The following CEP192 variants were observed in gnomAD, a reference collection of about 807,000 sequenced individuals.
CEP192 encodes the protein centrosomal protein 192.
In CEP192, 151 loss-of-function variants were observed where a neutral mutation model predicts 271.8. The observed-to-expected ratio is 0.56, with a 90% CI of 0.49 to 0.64. CEP192 has a LOEUF of 0.64. CEP192 is among the 30% of genes least tolerant of loss of function. The probability of loss-of-function intolerance (pLI) is 0.00; values close to 1 mark genes in which losing one functional copy is unlikely to be tolerated. For synonymous variants in CEP192, 995 were observed against 1,076.5 expected (o/e 0.92, Z 1.48); for missense variants, 2,910 against 3,020.5 (o/e 0.96, Z 0.86).
chr18:13,068,171 T>G lies in CEP192; in HGVS notation c.4692T>G (p.Asp1564Glu). The G allele has an allele frequency of 6.2e-7, 1 of 1,614,276 alleles. No individual in the cohort carries two copies. Among genetic ancestry groups the G allele is most frequent in the Non-Finnish European group, 8.5e-7 (1 of 1,180,044 alleles). ...RAPVEVAPCA[D>E]VVTRLAGPSV... ...CTGTGGAAGTTGCTCCTTGCGCTGA[T>G]GTGGTCACTCGGCTAGCAGGCCCTT... Residue 1564 changes from aspartate to glutamate, a missense_variant, in exon 23 of 45, where the codon GAT becomes GAG. Physicochemically the swap from Asp to Glu is conservative, Grantham distance 45. Transcript: ENST00000506447.
intron 30 of CEP192, among the ~76,000 whole-genome samples, chr18:13,085,257 AT>A (rs2038843658): frequency 2.0e-5 from 3 of 151,502 alleles, no homozygotes; most frequent in East Asian, 3.9e-4. Flanking sequence ...TTTCTTGTAA[AT>A]TTGTTCAAGT....
intron 11 of CEP192, among the ~76,000 whole-genome samples, chr18:13,032,338 G>A (rs1313368875): frequency 2.0e-5 from 3 of 152,162 alleles, no homozygotes; most frequent in African/African-American, 4.8e-5. Context: ...TACCTGAGGC[G>A]GGGAGTCAGA....
Position 13,037,117 on chromosome 18 carries a change from G to A in CEP192, c.1535-120G>A, listed in dbSNP as rs117747593. 5.6e-3 allele frequency: 3,418 copies of A among 605,688 alleles called. 32 individuals carry two copies. Among genetic ancestry groups the A allele is most frequent in the Admixed American group, 0.035 (1,096 of 31,308 alleles). 37.5% of individuals were successfully genotyped at this position (605,688 alleles called of 1,614,324 possible). A position where few individuals can be genotyped will look rare whatever the true frequency, so the allele number is the denominator to read the frequency against. On this transcript the variant is annotated intron_variant, in intron 11 of 44. Transcript: ENST00000506447. The stretch of plus-strand genomic sequence containing the variant: ...ACAGATGCATGAGTCATGAGTGCAA[G>A]CTTTTACATACTTGTTACAACTTTA...
chr18:13,097,654 T>A (rs1184406349), intron 36 of CEP192, among the ~76,000 whole-genome samples: 59 of 150,682 alleles, frequency 3.9e-4, no homozygotes, highest in Middle Eastern at 3.4e-3. Context: ...CTATTATTTT[T>A]TTTTTTTTTA....
intron 15 of CEP192, 106 bp from the exon 16 acceptor site, chr18:13,048,753 A>G (rs2036612467): frequency 4.2e-6 from 3 of 708,796 alleles, no homozygotes; most frequent in South Asian, 3.9e-5. Context: ...GGTTTCAGGT[A>G]TCCACTTGGA....
At chr18:13,117,172 C>T (rs2040472443) in intron 43 of CEP192, among the ~76,000 whole-genome samples, 1 of 152,142 alleles carries the variant, frequency 6.6e-6, no homozygotes, top group African/African-American at 2.4e-5. Context: ...CTGCAGTGAG[C>T]CATGATTGTG....
At chr18:13,065,729 C>A (rs533010) in intron 21 of CEP192, among the ~76,000 whole-genome samples, 1 of 152,128 alleles carries the variant, frequency 6.6e-6, no homozygotes, top group African/African-American at 2.4e-5. Context: ...CCAGCCAGTC[C>A]ACAAGACAGG....
At position 13,073,548 on chromosome 18, in the gene CEP192, CTCTG is replaced by C. The variant is rs904920301; in HGVS notation, c.5616+369_5616+372del. ...TCTCAATTATCAGCAAAAATACTGTCTCTGTCTGTTCAGTCGGCTATAACTAAAT... is the reference window on the plus strand; with the variant it reads ...TCTCAATTATCAGCAAAAATACTGTCTCTGTTCAGTCGGCTATAACTAAAT... On this transcript the variant is annotated intron_variant, in intron 30 of 44. Transcript: ENST00000506447. Among the ~76,000 whole-genome samples, 80 of 152,206 alleles carry C rather than the reference CTCTG, an allele frequency of 5.3e-4. 1 individual carries two copies. Among genetic ancestry groups the C allele is most frequent in the African/African-American group, 1.9e-3 (79 of 41,576 alleles).
chr18:13,048,875 G>A lies in CEP192; in HGVS notation c.2084G>A (p.Ser695Asn), dbSNP rs753521970. The A allele has an allele frequency of 6.9e-6, 11 of 1,596,738 alleles. No homozygotes were observed. In the Admixed American group the frequency reaches 1.6e-4, roughly 23 times the overall value. Reference sequence around the variant, plus strand: ...CACTTCTAGGACACTTTCTTCATGAGCAACAAACCCCAAAGATACAAAGAC... The same window carrying A: ...CACTTCTAGGACACTTTCTTCATGAACAACAAACCCCAAAGATACAAAGAC... Reference protein sequence around the residue: ...KGKTEDTFFMSNKPQRYKDKL... With the variant: ...KGKTEDTFFMNNKPQRYKDKL... Residue 695 changes from serine (S) to asparagine (N), a missense_variant, in exon 16 of 45, where the codon AGC becomes AAC. By Grantham distance (46) the Ser-to-Asn change is conservative. Transcript: ENST00000506447.
intron 2 of CEP192, 56 bp downstream of exon 2, chr18:12,999,644 A>T: frequency 8.0e-7 from 1 of 1,254,488 alleles, no homozygotes; most frequent in Non-Finnish European, 1.1e-6. Context: ...TAGCATGCTG[A>T]TATTTATGTT....
Position 13,018,483 on chromosome 18 carries a change from A to G in CEP192, c.793A>G (p.Asn265Asp). The part of the protein sequence containing the change: ...KLPTNGLRQA[N>D]ENGSLNCKFQ... ...AGCTAAGATATTCTTTCAACAGGCA[A>G]ATGAAAACGGTAGCTTAAACTGCAA... Residue 265 changes from asparagine to aspartate, a missense_variant, in exon 8 of 45, where the codon AAT becomes GAT. By Grantham distance (23) the Asn-to-Asp change is conservative (BLOSUM62 1). Coordinates refer to ENST00000506447, the MANE Select transcript of CEP192 (RefSeq NM_032142.4). The G allele has an allele frequency of 2.0e-6, 3 of 1,519,014 alleles. No individual in the cohort carries two copies. Among genetic ancestry groups the G allele is most frequent in the Non-Finnish European group, 2.7e-6 (3 of 1,127,916 alleles). The allele number at this position is 1,519,014 out of a possible 1,614,324, so 94.1% of individuals were successfully genotyped here.
At chr18:13,054,060 T>C (rs375017115) in intron 18 of CEP192, among the ~76,000 whole-genome samples, 18 of 152,304 alleles carry the variant, frequency 1.2e-4, no homozygotes, top group East Asian at 1.2e-3. Context: ...ACTCCTGGCC[T>C]CAAGCGATCT....
rs2144140882 is a variant in CEP192, at chr18:13,056,247, C to T, written c.3657C>T (p.Thr1219=). 1.2e-6 allele frequency: 2 copies of T among 1,613,674 alleles called. No homozygotes were observed. The highest frequency in any genetic ancestry group is 1.7e-6 in the Non-Finnish European group (2 of 1,179,730). ...REFSGQVSHQ[T]TSENQCTPIP... ...TCAGTGGCCAGGTTTCTCATCAGAC[C>T]ACCTCTGAAAACCAGTGTACTCCTA... The change falls in exon 19 of 45, where the codon ACC becomes ACT. Residue 1219 remains threonine (T), a synonymous_variant. Transcript: ENST00000506447.
chr18:13,006,907 A>C (rs2034016562), intron 3 of CEP192, among the ~76,000 whole-genome samples: 1 of 151,972 alleles, frequency 6.6e-6, no homozygotes, highest in Admixed American at 6.6e-5. Flanking sequence ...CCCCGTTGTC[A>C]GGTGTTCACT....
Position 13,018,558 on chromosome 18 carries a change from T to A in CEP192, c.868T>A (p.Ser290Thr), listed in dbSNP as rs2034797291. 2 of 1,543,506 alleles carry A rather than the reference T, an allele frequency of 1.3e-6. No individual in the cohort carries two copies. Among genetic ancestry groups the A allele is most frequent in the East Asian group, 4.9e-5 (2 of 40,762 alleles). ...SSLISLDSHS[S>T]ETTHKESEES... is the part of the protein sequence containing the mutation. Reference sequence around the variant, plus strand: ...TCTGATTTCCCTCGACTCACACTCTTCTGAAACAACTCACAAAGAGTCTGA... The same window carrying A: ...TCTGATTTCCCTCGACTCACACTCTACTGAAACAACTCACAAAGAGTCTGA... The change falls in exon 8 of 45, where the codon TCT (serine) becomes ACT (threonine). Residue 290 changes from serine to threonine, a missense_variant. Transcript: ENST00000506447.
At chr18:12,999,248 C>T (rs1221036123) in intron 1 of CEP192, among the ~76,000 whole-genome samples, 173 bp from the exon 2 acceptor site, 1 of 152,142 alleles carries the variant, frequency 6.6e-6, no homozygotes, top group East Asian at 1.9e-4. Context: ...TATAAAGTAG[C>T]AAAGTATTCT....
intron 1 of CEP192, among the ~76,000 whole-genome samples, chr18:12,993,748 CTCTT>C (rs201371427): frequency 0.014 from 2,164 of 151,788 alleles, 58 homozygotes; most frequent in African/African-American, 0.05. Flanking sequence ...TCTTAATTCT[CTCTT>C]TCAGCCTCAG....
chr18:13,086,837 T>C (rs560727272), intron 30 of CEP192, among the ~76,000 whole-genome samples, 180 bp from the exon 31 acceptor site: 3 of 152,368 alleles, frequency 2.0e-5, no homozygotes, highest in African/African-American at 7.2e-5. Flanking sequence ...GTTTGTTTTT[T>C]CCTTAAGACA....
At chr18:13,082,603 G>A (rs1413976378) in intron 30 of CEP192, among the ~76,000 whole-genome samples, 1 of 151,552 alleles carries the variant, frequency 6.6e-6, no homozygotes, top group Non-Finnish European at 1.5e-5. Flanking sequence ...TTTTAATTGG[G>A]GCATTTAGTC....
Sources: allele counts gnomAD v4.1 joint callset (sites outside exome capture counted in the v4.1 genomes callset), GRCh38; gene constraint gnomAD v4.1.1; transcripts MANE v1.5; gene names NCBI Gene and HGNC (gene_info 2026-07-23, HGNC 2026-07-21).